The following SEMA6D variants were observed in gnomAD, a reference collection of about 807,000 sequenced individuals.
SEMA6D encodes the protein semaphorin 6D, also known as semaphorin-6D.
Under a neutral mutation model 106.6 loss-of-function variants are expected in SEMA6D, and 35 were observed. The ratio of observed to expected loss-of-function variants is 0.33; its 90% CI spans 0.25 to 0.44. The LOEUF (loss-of-function observed/expected upper bound fraction) is 0.44, where lower values mean the gene tolerates loss of function less well. SEMA6D is among the 20% of genes least tolerant of loss of function. The pLI, the probability that SEMA6D is intolerant of heterozygous loss-of-function variation, is 1.00. For synonymous variants in SEMA6D, 499 were observed against 487.7 expected (o/e 1.02, Z -0.31); for missense variants, 1,185 against 1,345.9 (o/e 0.88, Z 1.87).
chr15:47,696,481 A>C (rs1241116359), intron 4 of SEMA6D, among the ~76,000 whole-genome samples: 1 of 152,148 alleles, frequency 6.6e-6, no homozygotes, highest in African/African-American at 2.4e-5. Flanking sequence ...GGAAGGAGAG[A>C]GAGGGCCCCT....
chr15:47,427,995 T>A (rs2041399092), intron 2 of SEMA6D, among the ~76,000 whole-genome samples: 2 of 152,116 alleles, frequency 1.3e-5, no homozygotes, highest in Non-Finnish European at 2.9e-5. Flanking sequence ...ATAAATTTCT[T>A]TCAGACAAAT....
At chr15:47,521,781 T>A (rs943980811) in intron 3 of SEMA6D, among the ~76,000 whole-genome samples, 1 of 152,046 alleles carries the variant, frequency 6.6e-6, no homozygotes, top group Non-Finnish European at 1.5e-5. Context: ...GTCAGGAGAT[T>A]GAGACCATCC....
intron 3 of SEMA6D, chr15:47,581,287 C>T: frequency 4.2e-6 from 2 of 477,908 alleles, no homozygotes; most frequent in Non-Finnish European, 8.3e-6. Context: ...CTGTGGTTTA[C>T]ATTGTGCAAT....
At chr15:47,216,433 A>G (rs1420097046) in intron 1 of SEMA6D, among the ~76,000 whole-genome samples, 1 of 152,176 alleles carries the variant, frequency 6.6e-6, no homozygotes, top group East Asian at 1.9e-4. Context: ...ATAACATTAT[A>G]CATGTTACAC....
intron 3 of SEMA6D, among the ~76,000 whole-genome samples, chr15:47,592,402 A>G (rs900171982): frequency 9.9e-5 from 15 of 152,212 alleles, no homozygotes; most frequent in African/African-American, 3.6e-4. Flanking sequence ...GACTGCACAG[A>G]TTAATTGTAT....
intron 1 of SEMA6D, among the ~76,000 whole-genome samples, chr15:47,250,179 G>C (rs1171135487): frequency 6.6e-6 from 1 of 152,130 alleles, no homozygotes. Flanking sequence ...AGGAATGATT[G>C]TCTATATTTT....
intron 1 of SEMA6D, among the ~76,000 whole-genome samples, chr15:47,289,729 GAA>G (rs1176510867): frequency 6.6e-6 from 1 of 151,904 alleles, no homozygotes; most frequent in Non-Finnish European, 1.5e-5. Flanking sequence ...GAGGCAGAAA[GAA>G]AAAAATCACA....
At chr15:47,265,267 G>A (rs1487907249) in intron 1 of SEMA6D, among the ~76,000 whole-genome samples, 1 of 151,412 alleles carries the variant, frequency 6.6e-6, no homozygotes, top group Non-Finnish European at 1.5e-5. Flanking sequence ...TTTCTGGGTG[G>A]TTTTTTTATT....
chr15:47,489,733 C>A (rs1290363381), intron 3 of SEMA6D, among the ~76,000 whole-genome samples: 1 of 151,978 alleles, frequency 6.6e-6, no homozygotes, highest in Non-Finnish European at 1.5e-5. Flanking sequence ...CTCGCTGCAA[C>A]CTCCGCCTCC....
At chr15:47,570,504 G>C (rs1040128575) in intron 3 of SEMA6D, among the ~76,000 whole-genome samples, 2 of 152,108 alleles carry the variant, frequency 1.3e-5, no homozygotes, top group African/African-American at 4.8e-5. Context: ...ATATATCTTT[G>C]ACTGAAAAAG....
At chr15:47,759,042 T>A (rs2081922364) in intron 1 of SEMA6D, among the ~76,000 whole-genome samples, 1 of 152,158 alleles carries the variant, frequency 6.6e-6, no homozygotes, top group Non-Finnish European at 1.5e-5. Flanking sequence ...AAACGTAGAC[T>A]TCCCTGGTGG....
intron 4 of SEMA6D, among the ~76,000 whole-genome samples, chr15:47,675,060 C>T (rs147976661): frequency 8.5e-5 from 13 of 152,266 alleles, no homozygotes; most frequent in South Asian, 2.1e-4. Flanking sequence ...CAGAGGTGTT[C>T]GATCCAGGAG....
intron 3 of SEMA6D, among the ~76,000 whole-genome samples, chr15:47,507,667 C>T (rs1052504350): frequency 6.6e-6 from 1 of 152,154 alleles, no homozygotes; most frequent in African/African-American, 2.4e-5. Flanking sequence ...TATTTAAGGT[C>T]CAAATATGTG....
intron 4 of SEMA6D, among the ~76,000 whole-genome samples, chr15:47,623,549 A>T (rs2077146905): frequency 6.6e-6 from 1 of 152,366 alleles, no homozygotes; most frequent in South Asian, 2.1e-4. Context: ...AATAATTAGC[A>T]ACTGCTTGGA....
chr15:47,378,915 C>T (rs281253), intron 1 of SEMA6D, among the ~76,000 whole-genome samples: 92,734 of 152,046 alleles, frequency 0.61, 30,152 homozygotes, highest in Non-Finnish European at 0.72. Context: ...AGCAGTTTGT[C>T]GTCAGTTGGC....
chr15:47,411,529 A>G (rs1193252032), intron 1 of SEMA6D, among the ~76,000 whole-genome samples: 1 of 152,220 alleles, frequency 6.6e-6, no homozygotes, highest in Non-Finnish European at 1.5e-5. Context: ...TCCTCTTAGC[A>G]TCAAACAAGC....
chr15:47,758,183 A>G (rs898714117), intron 1 of SEMA6D, among the ~76,000 whole-genome samples: 10 of 152,116 alleles, frequency 6.6e-5, no homozygotes, highest in African/African-American at 2.4e-4. Flanking sequence ...TTTTTGAAAA[A>G]CTGGGACTCT....
chr15:47,215,463 T>C (rs938901877), intron 1 of SEMA6D, among the ~76,000 whole-genome samples: 5 of 152,138 alleles, frequency 3.3e-5, no homozygotes, highest in Admixed American at 2.0e-4. Context: ...AACACAAATA[T>C]GCTATTAATA....
chr15:47,434,546 A>G (rs546624695), intron 2 of SEMA6D, among the ~76,000 whole-genome samples: 1 of 152,184 alleles, frequency 6.6e-6, no homozygotes, highest in South Asian at 2.1e-4. Context: ...GATCAGTGAT[A>G]TATAAACATA....
Sources: gnomAD v4.1 joint callset for allele counts (sites outside exome capture counted in the v4.1 genomes callset) on GRCh38, gnomAD v4.1.1 for gene constraint, MANE v1.5 for transcripts, NCBI Gene and HGNC (gene_info 2026-07-23, HGNC 2026-07-21) for gene names.